Variants in LRRC3B observed in about 807,000 individuals in gnomAD.
The protein encoded by LRRC3B is leucine-rich repeat-containing protein 3B.
Under a neutral mutation model 12.8 loss-of-function variants are expected in LRRC3B, and 2 were observed. The observed-to-expected ratio is 0.16, with a 90% confidence interval of 0.06 to 0.49. The LOEUF is 0.49. LRRC3B is among the 20% of genes least tolerant of loss of function. The pLI is 0.96. For missense variants in LRRC3B, 189 were observed against 319.4 expected, an observed-to-expected ratio of 0.59 and a Z score of 3.11; for synonymous variants, 132 against 122.0, an observed-to-expected ratio of 1.08 and a Z score of -0.54.
At chr3:26,694,286 G>A (rs1306579717) in intron 1 of LRRC3B, among the ~76,000 whole-genome samples, 32 of 152,120 alleles carry the variant, frequency 2.1e-4, no homozygotes, top group Admixed American at 2.0e-3. Flanking sequence ...ACCTGGGGAC[G>A]CCTTCAGCAG....
At chr3:26,699,059 GT>G (rs1246522474) in intron 1 of LRRC3B, among the ~76,000 whole-genome samples, 2 of 151,488 alleles carry the variant, frequency 1.3e-5, no homozygotes, top group Admixed American at 1.3e-4. Context: ...TTTTATTTTT[GT>G]TTTTTGTTTT....
chr3:26,633,435 T>C (rs78143633), intron 1 of LRRC3B, among the ~76,000 whole-genome samples: 5,202 of 151,708 alleles, frequency 0.034, 166 homozygotes, highest in East Asian at 0.13. Flanking sequence ...CTACTTAAGT[T>C]ATTATTATTA....
intron 1 of LRRC3B, among the ~76,000 whole-genome samples, chr3:26,697,523 T>C (rs999990227): frequency 4.6e-5 from 7 of 152,204 alleles, no homozygotes; most frequent in Non-Finnish European, 2.9e-5. Flanking sequence ...GCAAAGATTC[T>C]TTTTCCATAC....
intron 1 of LRRC3B, among the ~76,000 whole-genome samples, chr3:26,648,769 T>C (rs1205660307): frequency 6.6e-6 from 1 of 152,246 alleles, no homozygotes; most frequent in Non-Finnish European, 1.5e-5. Flanking sequence ...TGTAGCATTT[T>C]AATGTTTAAT....
chr3:26,628,484 TA>T (rs1228402899), intron 1 of LRRC3B, among the ~76,000 whole-genome samples: 1 of 150,498 alleles, frequency 6.6e-6, no homozygotes, highest in African/African-American at 2.4e-5. Flanking sequence ...TGATTTTATT[TA>T]AAAAAATATA....
chr3:26,625,658 T>C (rs1453772772), intron 1 of LRRC3B: 4 of 152,212 alleles, frequency 2.6e-5, no homozygotes, highest in African/African-American at 7.2e-5. Context: ...ACCATGTTCC[T>C]TGGCAACTTG....
rs1348625406 is a variant in LRRC3B, at chr3:26,671,354, A to ATGTATGTG, written c.-160-38158_-160-38157insGTATGTGT. The stretch of plus-strand genomic sequence containing the variant: ...AATGTGTGTGTATATATGTGTGTAT[A>ATGTATGTG]TATATATATATATATATATAGAGAG... On this transcript the variant is annotated intron_variant, in intron 1 of 1. Transcript: ENST00000396641. Among the ~76,000 whole-genome samples, 3 of 52,512 alleles carry ATGTATGTG rather than the reference A, an allele frequency of 5.7e-5. 1 individual carries two copies. The highest frequency in any genetic ancestry group is 2.5e-4 in the African/African-American group (3 of 11,938). The allele number at this position is 52,512 out of a possible 152,430, so 34.4% of individuals were successfully genotyped here. A position where few individuals can be genotyped will look rare whatever the true frequency, so the allele number is the denominator to read the frequency against.
chr3:26,659,184 T>G (rs1227394349), intron 1 of LRRC3B, among the ~76,000 whole-genome samples: 1 of 152,218 alleles, frequency 6.6e-6, no homozygotes, highest in Non-Finnish European at 1.5e-5. Flanking sequence ...TCCTATGAAG[T>G]AGGTACTATT....
chr3:26,630,797 C>G (rs76164707), intron 1 of LRRC3B, among the ~76,000 whole-genome samples: 1,543 of 152,268 alleles, frequency 0.01, 12 homozygotes, highest in Non-Finnish European at 0.015. Context: ...AGGTCTCTAA[C>G]CCCAAGAACT....
intron 1 of LRRC3B, among the ~76,000 whole-genome samples, chr3:26,636,712 C>T (rs1450934009): frequency 1.3e-5 from 2 of 151,970 alleles, no homozygotes; most frequent in Non-Finnish European, 2.9e-5. Flanking sequence ...AAATATGGGC[C>T]TCCAATATGC....
chr3:26,680,263 C>A (rs1699944931), intron 1 of LRRC3B, among the ~76,000 whole-genome samples: 1 of 152,218 alleles, frequency 6.6e-6, no homozygotes, highest in East Asian at 1.9e-4. Context: ...GTAAAAACAC[C>A]CATTGAGAGG....
rs571420192 is a variant in LRRC3B at position 26,664,583 on chromosome 3, A to G, written c.-161+41346A>G. On this transcript the variant is annotated intron_variant, in intron 1 of 1. Coordinates refer to ENST00000396641, the Ensembl canonical transcript of LRRC3B. ...AGCAGATCCTATGCTGAAGAGTCCT[A>G]TGAAATTGAATTATTAGGAAGTGGT... Among the ~76,000 whole-genome samples, 15 of 152,212 alleles carry G rather than the reference A, an allele frequency of 9.9e-5. No homozygotes were observed. The South Asian group carries it at 1.0e-3, about 11-fold the overall frequency.
At chr3:26,629,141 T>C (rs1029126771) in intron 1 of LRRC3B, among the ~76,000 whole-genome samples, 1 of 152,156 alleles carries the variant, frequency 6.6e-6, no homozygotes, top group African/African-American at 2.4e-5. Context: ...TGTTTTCAAA[T>C]ACAGATTAGT....
At chr3:26,700,415 G>A (rs150860577) in intron 1 of LRRC3B, among the ~76,000 whole-genome samples, 275 of 152,258 alleles carry the variant, frequency 1.8e-3, no homozygotes, top group African/African-American at 5.6e-3. Context: ...GGATATCTGA[G>A]ATGCAGGTCC....
intron 1 of LRRC3B, among the ~76,000 whole-genome samples, chr3:26,689,704 T>G (rs1349950307): frequency 6.6e-6 from 1 of 152,126 alleles, no homozygotes; most frequent in Admixed American, 6.5e-5. Context: ...CCCCAGGACT[T>G]TTAGGTTCTT....
chr3:26,643,615 G>A (rs1473309944), intron 1 of LRRC3B, among the ~76,000 whole-genome samples: 1 of 152,174 alleles, frequency 6.6e-6, no homozygotes, highest in Non-Finnish European at 1.5e-5. Context: ...GTGATGCAAT[G>A]TGCCTTTTTT....
chr3:26,680,463 A>G (rs971246529), intron 1 of LRRC3B, among the ~76,000 whole-genome samples: 7 of 152,242 alleles, frequency 4.6e-5, no homozygotes, highest in Non-Finnish European at 8.8e-5. Flanking sequence ...AAGCAAAGAA[A>G]GACTGTAAAT....
chr3:26,685,412 G>C (rs1383198484), intron 1 of LRRC3B, among the ~76,000 whole-genome samples: 2 of 147,318 alleles, frequency 1.4e-5, no homozygotes, highest in African/African-American at 5.1e-5. Context: ...TGTGACCAAG[G>C]ACCAGTCATT....
intron 1 of LRRC3B, among the ~76,000 whole-genome samples, chr3:26,667,680 TATA>T (rs1340967228): frequency 1.3e-5 from 2 of 152,168 alleles, no homozygotes; most frequent in African/African-American, 4.8e-5. Context: ...GGAAATATCA[TATA>T]ATATTTTCTT....
Sources: gnomAD v4.1 joint callset for allele counts (sites outside exome capture counted in the v4.1 genomes callset) on GRCh38, gnomAD v4.1.1 for gene constraint, MANE v1.5 for transcripts, NCBI Gene and HGNC (gene_info 2026-07-23, HGNC 2026-07-21) for gene names.